CNST: variants seen among roughly 807,000 people sequenced by gnomAD.
CNST encodes the protein consortin, connexin sorting protein.
Under a neutral mutation model 72.4 loss-of-function variants are expected in CNST, and 39 were observed. The observed-to-expected ratio is 0.54, with a 90% CI of 0.42 to 0.70. CNST has a LOEUF of 0.70. Among genes scored for constraint, CNST ranks in the 30% least tolerant of loss-of-function variants. The pLI is 0.00. For synonymous variants in CNST, 332 were observed against 320.1 expected, an observed-to-expected ratio of 1.04 and a Z score of -0.40; for missense variants, 871 against 868.5, an observed-to-expected ratio of 1.00 and a Z score of -0.04.
In CNST at chr1:246,652,811, T is replaced by C. The variant is rs189261715; in HGVS notation, c.1836+4774T>C. Among the ~76,000 whole-genome samples, 1,111 of 150,918 alleles carry C rather than the reference T, an allele frequency of 7.4e-3. 13 individuals carry two copies. Among genetic ancestry groups the C allele is most frequent in the African/African-American group, 0.025 (1,017 of 40,828 alleles). ...CGAGGTCAGGAGATCGAGACCATCC[T>C]GGCTAACACGGTGAAACCCCGTCTC... On this transcript the variant is annotated intron_variant, in intron 9 of 10. Coordinates refer to ENST00000366513, the MANE Select transcript of CNST (RefSeq NM_152609.3).
At chr1:246,573,436 T>A (rs1660189312) in intron 1 of CNST, among the ~76,000 whole-genome samples, 1 of 152,248 alleles carries the variant, frequency 6.6e-6, no homozygotes, top group East Asian at 1.9e-4. Flanking sequence ...GAAAGCTGTA[T>A]TTCAAAATAA....
chr1:246,623,188 T>C (rs969264937), intron 3 of CNST, among the ~76,000 whole-genome samples: 8 of 152,212 alleles, frequency 5.3e-5, no homozygotes, highest in Non-Finnish European at 1.0e-4. Flanking sequence ...TGATTTACTT[T>C]TGTAATGAGA....
At chr1:246,594,990 C>T (rs1322256697) in intron 2 of CNST, among the ~76,000 whole-genome samples, 1 of 152,076 alleles carries the variant, frequency 6.6e-6, no homozygotes, top group Non-Finnish European at 1.5e-5. Context: ...TGTGGTGATT[C>T]ACCTCTAGTG....
At chr1:246,572,760 G>A (rs1215573658) in intron 1 of CNST, among the ~76,000 whole-genome samples, 2 of 151,988 alleles carry the variant, frequency 1.3e-5, no homozygotes, top group African/African-American at 2.4e-5. Flanking sequence ...GCAGGGTTTC[G>A]CCATGTTGCC....
intron 10 of CNST, among the ~76,000 whole-genome samples, chr1:246,662,877 C>A (rs12043394): frequency 6.6e-6 from 1 of 151,966 alleles, no homozygotes; most frequent in Non-Finnish European, 1.5e-5. Context: ...ACCTGTGGCT[C>A]ACATCGGACA....
chr1:246,569,294 A>C (rs910448455), intron 1 of CNST, among the ~76,000 whole-genome samples: 8 of 152,212 alleles, frequency 5.3e-5, no homozygotes, highest in African/African-American at 1.9e-4. Flanking sequence ...ATTTTACATT[A>C]TTTGATACTA....
intron 2 of CNST, among the ~76,000 whole-genome samples, chr1:246,602,278 C>T (rs1185171805): frequency 6.6e-6 from 1 of 152,230 alleles, no homozygotes; most frequent in Non-Finnish European, 1.5e-5. Context: ...CAGCTGAAAA[C>T]AGCAAACATG....
chr1:246,584,048 C>T (rs1243410847), intron 1 of CNST, among the ~76,000 whole-genome samples: 1 of 151,472 alleles, frequency 6.6e-6, no homozygotes, highest in African/African-American at 2.4e-5. Flanking sequence ...TTAAGCAGTC[C>T]TCCTGCCGCA....
rs1025717249 is a variant in CNST, at chr1:246,566,683, G to A, written c.-52+20G>A. 15 of 400,898 alleles carry A rather than the reference G, an allele frequency of 3.7e-5. No homozygotes were observed. Among genetic ancestry groups the A allele is most frequent in the African/African-American group, 8.2e-5 (4 of 48,656 alleles). 24.8% of individuals were successfully genotyped at this position (400,898 alleles called of 1,614,324 possible). On this transcript the variant is annotated intron_variant, in intron 1 of 10. Coordinates refer to ENST00000366513, the MANE Select transcript of CNST (RefSeq NM_152609.3). The stretch of plus-strand genomic sequence containing the variant: ...TCCCAGGTGAGGAGAGGAGGAGCGG[G>A]ATGCAGGGGACCCGCCGGCTCGCGG...
At chr1:246,608,452 A>C (rs947740356) in intron 2 of CNST, among the ~76,000 whole-genome samples, 15 of 152,258 alleles carry the variant, frequency 9.9e-5, no homozygotes, top group African/African-American at 3.4e-4. Flanking sequence ...AAAATGTCTA[A>C]TCAAACTTCT....
At chr1:246,663,123 C>G (rs896586664) in intron 10 of CNST, among the ~76,000 whole-genome samples, 3 of 151,946 alleles carry the variant, frequency 2.0e-5, no homozygotes, top group Non-Finnish European at 2.9e-5. Flanking sequence ...CCCAAGTCTT[C>G]CTCCTGGATC....
At chr1:246,644,985 T>G (rs1197094310) in intron 8 of CNST, among the ~76,000 whole-genome samples, 1 of 152,136 alleles carries the variant, frequency 6.6e-6, no homozygotes, top group Non-Finnish European at 1.5e-5. Flanking sequence ...CTTGCAGCCT[T>G]ACAAACTTTG....
At chr1:246,611,078 C>T (rs565658254) in intron 2 of CNST, among the ~76,000 whole-genome samples, 2 of 152,310 alleles carry the variant, frequency 1.3e-5, no homozygotes, top group South Asian at 2.1e-4. Context: ...TGGGTAGCCC[C>T]AGACAGATTA....
At chr1:246,604,753 C>G (rs1321738989) in intron 2 of CNST, among the ~76,000 whole-genome samples, 3 of 151,536 alleles carry the variant, frequency 2.0e-5, no homozygotes, top group Admixed American at 2.0e-4. Flanking sequence ...ACTGCAACCT[C>G]TGCCTTCTGG....
chr1:246,601,143 A>C (rs978478350), intron 2 of CNST, among the ~76,000 whole-genome samples: 3 of 151,866 alleles, frequency 2.0e-5, no homozygotes, highest in Non-Finnish European at 4.4e-5. Context: ...TGGTCTTTTC[A>C]AAAAATAAAA....
chr1:246,578,525 G>T (rs1220068177), intron 1 of CNST, among the ~76,000 whole-genome samples: 1 of 152,030 alleles, frequency 6.6e-6, no homozygotes, highest in Non-Finnish European at 1.5e-5. Context: ...CAAAAAATTA[G>T]CTGGGTGTGG....
chr1:246,668,291 T>G lies in CNST; in HGVS notation c.*2386T>G, dbSNP rs1304246930. 6.6e-6 allele frequency: 1 copy of G among 152,342 alleles called. No homozygotes were observed. The highest frequency in any genetic ancestry group is 1.5e-5 in the Non-Finnish European group (1 of 68,032). The allele number at this position is 152,342 out of a possible 1,614,324, so 9.4% of individuals were successfully genotyped here. On this transcript the variant is annotated 3_prime_UTR_variant, in exon 11 of 11. Coordinates refer to ENST00000366513, the MANE Select transcript of CNST (RefSeq NM_152609.3). ...TTTGTAACTAATCTTCCTTAAGAAC[T>G]GTATTTGAGGGTATCAAATCAAGCT...
At chr1:246,607,133 A>G (rs1431811567) in intron 2 of CNST, 2 of 152,052 alleles carry the variant, frequency 1.3e-5, no homozygotes, top group Non-Finnish European at 1.5e-5. Flanking sequence ...CTGCGGCACG[A>G]TGGGTTTTAT....
At chr1:246,657,970 TG>T (rs1666861300) in intron 9 of CNST, among the ~76,000 whole-genome samples, 1 of 152,228 alleles carries the variant, frequency 6.6e-6, no homozygotes, top group South Asian at 2.1e-4. Context: ...TTAATAGGGT[TG>T]TTTTTTCTAA....
Sources: allele counts gnomAD v4.1 joint callset (sites outside exome capture counted in the v4.1 genomes callset), GRCh38; gene constraint gnomAD v4.1.1; transcripts MANE v1.5; gene names NCBI Gene and HGNC (gene_info 2026-07-23, HGNC 2026-07-21).